The following GMDS variants were observed in gnomAD, a reference collection of about 807,000 sequenced individuals.
GMDS encodes GDP-mannose 4,6 dehydratase.
GMDS carries 20 observed loss-of-function variants against 49.9 expected under a neutral mutation model. The observed-to-expected ratio is 0.40, with a 90% CI of 0.28 to 0.58. GMDS has a LOEUF of 0.58. Among genes scored for constraint, GMDS ranks in the 20% least tolerant of loss-of-function variants. GMDS has a pLI of 0.42. For missense variants in GMDS, 362 were observed against 481.4 expected (o/e 0.75, Z 2.32); for synonymous variants, 177 against 178.6 (o/e 0.99, Z 0.07).
chr6:1,905,639 G>GTCCCT (rs1207939302), intron 7 of GMDS, among the ~76,000 whole-genome samples: 14 of 135,916 alleles, frequency 1.0e-4, no homozygotes, highest in African/African-American at 1.7e-4. Context: ...ATCTGCATGT[G>GTCCCT]GGGCCAGCAC....
intron 7 of GMDS, among the ~76,000 whole-genome samples, chr6:1,826,884 T>C (rs1025911368): frequency 7.2e-5 from 11 of 151,872 alleles, no homozygotes; most frequent in African/African-American, 2.2e-4. Flanking sequence ...CTGTGCAGCA[T>C]AGTGACACTC....
At chr6:2,032,260 C>G (rs1769012419) in intron 4 of GMDS, among the ~76,000 whole-genome samples, 1 of 152,148 alleles carries the variant, frequency 6.6e-6, no homozygotes, top group Non-Finnish European at 1.5e-5. Context: ...TAATCAATGT[C>G]AAGCATTTGA....
chr6:1,876,741 T>C (rs1477149289), intron 7 of GMDS, among the ~76,000 whole-genome samples: 2 of 152,236 alleles, frequency 1.3e-5, no homozygotes. Flanking sequence ...CATTTCTGTT[T>C]GTTAGTTCAA....
chr6:2,007,619 G>T (rs1043275076), intron 4 of GMDS, among the ~76,000 whole-genome samples: 1 of 150,944 alleles, frequency 6.6e-6, no homozygotes, highest in Non-Finnish European at 1.5e-5. Flanking sequence ...TTACGTTCAG[G>T]GGATACATGT....
At chr6:1,938,023 A>AG (rs1215732614) in intron 6 of GMDS, among the ~76,000 whole-genome samples, 2 of 151,938 alleles carry the variant, frequency 1.3e-5, no homozygotes, top group Non-Finnish European at 2.9e-5. Context: ...AGAAAAAAAA[A>AG]GGGGGATACT....
intron 7 of GMDS, among the ~76,000 whole-genome samples, chr6:1,861,747 T>G (rs1343125366): frequency 6.6e-6 from 1 of 152,212 alleles, no homozygotes; most frequent in Non-Finnish European, 1.5e-5. Context: ...TGGCCTCTTC[T>G]GTGGAGAAGC....
chr6:1,891,206 C>T (rs1759852394), intron 7 of GMDS, among the ~76,000 whole-genome samples: 1 of 152,144 alleles, frequency 6.6e-6, no homozygotes, highest in South Asian at 2.1e-4. Context: ...TGTTTTCACT[C>T]ATCCTTTCCT....
chr6:1,746,499 G>C (rs1320725929), intron 7 of GMDS, among the ~76,000 whole-genome samples: 1 of 152,068 alleles, frequency 6.6e-6, no homozygotes. Context: ...TTCAAATCAT[G>C]TCTTGCATTC....
At chr6:2,002,475 G>A (rs1465225958) in intron 4 of GMDS, among the ~76,000 whole-genome samples, 1 of 152,124 alleles carries the variant, frequency 6.6e-6, no homozygotes, top group East Asian at 1.9e-4. Context: ...GATCTTTTAG[G>A]AACTAATGTC....
chr6:1,986,999 T>C (rs1366374756), intron 4 of GMDS, among the ~76,000 whole-genome samples: 1 of 152,124 alleles, frequency 6.6e-6, no homozygotes, highest in Admixed American at 6.5e-5. Flanking sequence ...AATAAACCAG[T>C]AGTTGAGCCA....
At chr6:1,741,477 GAAATTTGGAAAATTTTCC>G (rs2113487175) in intron 8 of GMDS, among the ~76,000 whole-genome samples, 1 of 152,110 alleles carries the variant, frequency 6.6e-6, no homozygotes, top group East Asian at 1.9e-4. Context: ...CATGATGAAA[GAAATTTGGAAAATTTTCC>G]AAATTTCTTT....
chr6:1,912,611 C>T (rs1334235779), intron 7 of GMDS, among the ~76,000 whole-genome samples: 1 of 152,146 alleles, frequency 6.6e-6, no homozygotes, highest in East Asian at 1.9e-4. Flanking sequence ...ACTGTGGGGT[C>T]TTCCTCTCTC....
At chr6:2,017,021 G>A (rs932246325) in intron 4 of GMDS, among the ~76,000 whole-genome samples, 4 of 151,792 alleles carry the variant, frequency 2.6e-5, no homozygotes, top group Non-Finnish European at 5.9e-5. Context: ...CGATCCCCAA[G>A]TAAGCAGAAG....
chr6:1,891,526 A>G (rs1759866333), intron 7 of GMDS, among the ~76,000 whole-genome samples: 1 of 152,248 alleles, frequency 6.6e-6, no homozygotes, highest in Non-Finnish European at 1.5e-5. Flanking sequence ...AAGTTATTTA[A>G]AAGAAACTGC....
intron 7 of GMDS, among the ~76,000 whole-genome samples, chr6:1,926,820 T>C (rs1262876273): frequency 1.3e-5 from 2 of 152,232 alleles, no homozygotes; most frequent in Non-Finnish European, 2.9e-5. Context: ...AACTATAAAA[T>C]GCTTCCTACA....
intron 1 of GMDS, among the ~76,000 whole-genome samples, chr6:2,206,954 A>G (rs1295717032): frequency 1.3e-5 from 2 of 152,194 alleles, no homozygotes; most frequent in African/African-American, 4.8e-5. Context: ...ACTGAAAACC[A>G]CACTCCCAGA....
chr6:2,182,813 C>G (rs1388548254), intron 1 of GMDS, among the ~76,000 whole-genome samples: 1 of 152,180 alleles, frequency 6.6e-6, no homozygotes, highest in Non-Finnish European at 1.5e-5. Flanking sequence ...TCAAGTCATC[C>G]TCCCACCTCA....
intron 4 of GMDS, among the ~76,000 whole-genome samples, chr6:2,060,856 C>A (rs1006902314): frequency 3.9e-5 from 6 of 151,904 alleles, no homozygotes; most frequent in Admixed American, 2.0e-4. Flanking sequence ...CCTGTCTCTA[C>A]CAAAAATACA....
At chr6:1,753,377 C>T (rs914433719) in intron 7 of GMDS, among the ~76,000 whole-genome samples, 2 of 152,098 alleles carry the variant, frequency 1.3e-5, no homozygotes, top group Non-Finnish European at 2.9e-5. Flanking sequence ...TACAGGAGCA[C>T]CCAGATTCAT....
Sources: allele counts gnomAD v4.1 joint callset (sites outside exome capture counted in the v4.1 genomes callset), GRCh38; gene constraint gnomAD v4.1.1; transcripts MANE v1.5; gene names NCBI Gene and HGNC (gene_info 2026-07-23, HGNC 2026-07-21).